Variants in PPA1 observed in about 807,000 individuals in gnomAD.
PPA1 encodes the protein inorganic pyrophosphatase.
PPA1 carries 23 observed loss-of-function variants against 41.8 expected under a neutral mutation model. That is an observed-to-expected ratio of 0.55 (90% CI 0.40 to 0.78). PPA1 has a LOEUF of 0.78. Ranked by LOEUF, PPA1 falls within the 30% of genes least tolerant of loss-of-function variation. The pLI, the probability that PPA1 is intolerant of heterozygous loss-of-function variation, is 0.00. For missense variants in PPA1, 320 were observed against 361.6 expected, an observed-to-expected ratio of 0.89 and a Z score of 0.93; for synonymous variants, 101 against 116.8, an observed-to-expected ratio of 0.86 and a Z score of 0.87.
Position 70,214,819 on chromosome 10 carries a change from T to C in PPA1, c.298-233A>G, listed in dbSNP as rs10999190. On this transcript the variant is annotated intron_variant, in intron 4 of 10. Transcript: ENST00000373232. ...AGCTTTAAAACAGATAATGATCCTA[T>C]TTAAAACAAGCAAAAGCCAACTACT... Among the ~76,000 whole-genome samples the C allele has an allele frequency of 0.046, 6,907 of 151,044 alleles. 339 individuals are homozygous for C. The highest frequency in any genetic ancestry group is 0.12 in the African/African-American group (5,067 of 41,500).
chr10:70,218,944 C>A (rs757569940), intron 2 of PPA1, 127 bp from the exon 3 acceptor site: 9 of 653,506 alleles, frequency 1.4e-5, no homozygotes, highest in East Asian at 2.8e-5. Context: ...GGATTTTCAA[C>A]AAAATGCATC....
At chr10:70,231,914 A>T (rs1840293500) in intron 1 of PPA1, among the ~76,000 whole-genome samples, 1 of 152,202 alleles carries the variant, frequency 6.6e-6, no homozygotes, top group Non-Finnish European at 1.5e-5. Flanking sequence ...ATATAGCTTG[A>T]AGATCCACCC....
rs536665927 is a variant in PPA1, at chr10:70,212,903, G to T, written c.511+560C>A. On this transcript the variant is annotated intron_variant, in intron 6 of 10. Coordinates refer to ENST00000373232, the MANE Select transcript of PPA1 (RefSeq NM_021129.4). ...CCTGAAGACACTTACTTCGCTAAGT[G>T]AAATAAACCAGACACAGAGGCCACC... 4.1e-4 allele frequency among the ~76,000 whole-genome samples: 62 copies of T among 151,086 alleles called. 1 individual carries two copies. Among genetic ancestry groups the T allele is most frequent in the African/African-American group, 1.5e-3 (61 of 41,196 alleles).
intron 2 of PPA1, among the ~76,000 whole-genome samples, chr10:70,227,863 C>T (rs1450271553): frequency 2.6e-5 from 4 of 151,784 alleles, no homozygotes; most frequent in African/African-American, 7.3e-5. Flanking sequence ...AGGCCAAGCC[C>T]GTGAGAATGT....
In PPA1 at chr10:70,220,825, T is replaced by TATATATAATTCTTATATATATA. The variant is rs1840145049; in HGVS notation, c.124-2009_124-2008insTATATATATAAGAATTATATAT. On this transcript the variant is annotated intron_variant, in intron 2 of 10. Coordinates refer to ENST00000373232, the MANE Select transcript of PPA1 (RefSeq NM_021129.4). Reference sequence around the variant, plus strand: ...ATATATATAATTTTTATATATATTATATATATAATTTTTATATATATTATA... The same window carrying TATATATAATTCTTATATATATA: ...ATATATATAATTTTTATATATATTATATATATAATTCTTATATATATAATATATAATTTTTATATATATTATA... Among the ~76,000 whole-genome samples the TATATATAATTCTTATATATATA allele has an allele frequency of 7.6e-5, 4 of 52,612 alleles. 1 individual carries two copies. Among genetic ancestry groups the TATATATAATTCTTATATATATA allele is most frequent in the Non-Finnish European group, 6.4e-5 (2 of 31,490 alleles). The allele number at this position is 52,612 out of a possible 152,430, so 34.5% of individuals were successfully genotyped here.
intron 6 of PPA1, among the ~76,000 whole-genome samples, chr10:70,212,095 C>T (rs1164330079): frequency 6.6e-6 from 1 of 152,234 alleles, no homozygotes; most frequent in African/African-American, 2.4e-5. Flanking sequence ...CTTACCCACA[C>T]TGTACTCTTT....
At chr10:70,220,039 T>A (rs1032537742) in intron 2 of PPA1, among the ~76,000 whole-genome samples, 5 of 151,482 alleles carry the variant, frequency 3.3e-5, no homozygotes, top group Non-Finnish European at 5.9e-5. Flanking sequence ...GTGATTCTAC[T>A]GTCTCAGCCT....
At position 70,213,587 on chromosome 10, in the gene PPA1, T is replaced by A. The variant is rs1434990965; in HGVS notation, c.387A>T (p.Val129=). The change falls in exon 6 of 11, where the codon GTA becomes GTT. Residue 129 remains valine (V), a splice_region_variant and synonymous_variant. Transcript: ENST00000373232. ...PIDVCEIGSK[V]CARGEIIGVK... The stretch of plus-strand genomic sequence containing the variant: ...CGCCAATTATTTCACCTCTTGCACA[T>A]ACCTGAGAGTCAATAGCCAAAGTCA... The A allele has an allele frequency of 6.2e-7, 1 of 1,613,494 alleles. No individual in the cohort carries two copies. The highest frequency in any genetic ancestry group is 2.2e-5 in the East Asian group (1 of 44,864).
chr10:70,226,824 A>T (rs761278265), intron 2 of PPA1, among the ~76,000 whole-genome samples: 1 of 152,214 alleles, frequency 6.6e-6, no homozygotes, highest in Non-Finnish European at 1.5e-5. Context: ...TGAAGCATCA[A>T]TCTATTTGAT....
rs755047561 is a variant in PPA1, at chr10:70,209,199, A to G, written c.725+6T>C. 2 of 1,572,020 alleles carry G rather than the reference A, an allele frequency of 1.3e-6. No individual in the cohort carries two copies. The highest frequency in any genetic ancestry group is 1.1e-5 in the South Asian group (1 of 90,130). On this transcript the variant is annotated splice_donor_region_variant and intron_variant, in intron 8 of 10. Transcript: ENST00000373232. ...TGTGTTAAACATGCAAAGTGTTTAC[A>G]CTTACCAACTGATTCCTTTTCCATT...
intron 8 of PPA1, 104 bp from the exon 9 acceptor site, chr10:70,206,437 A>C: frequency 3.7e-6 from 3 of 803,516 alleles, no homozygotes; most frequent in Non-Finnish European, 6.3e-6. Flanking sequence ...ATTCAAGTTT[A>C]GTTTAGTCGA....
intron 2 of PPA1, among the ~76,000 whole-genome samples, chr10:70,229,227 G>A (rs1840262272): frequency 6.6e-6 from 1 of 152,104 alleles, no homozygotes; most frequent in Admixed American, 6.6e-5. Flanking sequence ...AATATAAAAA[G>A]ACAAAAATGA....
At position 70,214,686 on chromosome 10, in the gene PPA1, T is replaced by C; in HGVS notation, c.298-100A>G. On this transcript the variant is annotated intron_variant, in intron 4 of 10. Coordinates refer to ENST00000373232, the MANE Select transcript of PPA1 (RefSeq NM_021129.4). ...ATCCTATGACTCTTCAGCTACTTTT[T>C]TCTCATTGTTTTAGTTCTTTATTCG... 6.6e-6 allele frequency: 6 copies of C among 909,226 alleles called. No homozygotes were observed. The South Asian group carries it at 9.2e-5, about 14-fold the overall frequency. 56.3% of individuals were successfully genotyped at this position (909,226 alleles called of 1,614,324 possible).
At chr10:70,223,620 C>G (rs1416920425) in intron 2 of PPA1, among the ~76,000 whole-genome samples, 1 of 152,064 alleles carries the variant, frequency 6.6e-6, no homozygotes, top group African/African-American at 2.4e-5. Flanking sequence ...AGAGTTGCTA[C>G]TAGGTGAACA....
At chr10:70,204,756 A>G in intron 10 of PPA1, 117 bp downstream of exon 10, 1 of 794,320 alleles carries the variant, frequency 1.3e-6, no homozygotes, top group Non-Finnish European at 1.9e-6. Flanking sequence ...ATATCAAAAC[A>G]TCACACTGTA....
chr10:70,225,289 C>T (rs1053527238), intron 2 of PPA1, among the ~76,000 whole-genome samples: 1 of 152,124 alleles, frequency 6.6e-6, no homozygotes, highest in African/African-American at 2.4e-5. Context: ...ATGATCTCAG[C>T]TCACTGCAAC....
chr10:70,218,599 G>A (rs1840103416), intron 3 of PPA1, 165 bp downstream of exon 3: 1 of 590,872 alleles, frequency 1.7e-6, no homozygotes, highest in South Asian at 2.2e-5. Flanking sequence ...TTTAGCTGGA[G>A]CCCAAAGGGA....
At chr10:70,216,142 T>C (rs1439977526) in intron 4 of PPA1, among the ~76,000 whole-genome samples, 1 of 152,182 alleles carries the variant, frequency 6.6e-6, no homozygotes, top group Non-Finnish European at 1.5e-5. Context: ...AGAGTAAGTA[T>C]TTCAGCAATG....
chr10:70,217,836 G>A lies in PPA1; in HGVS notation c.273C>T (p.Ile91=). The A allele has an allele frequency of 3.8e-6, 6 of 1,598,158 alleles. No individual in the cohort carries two copies. In the South Asian group the frequency reaches 5.7e-5, roughly 15 times the overall value. Reference sequence around the variant, plus strand: ...CCTGAGGGATGGCACCATAGTTCCAGATATATCCTTTATACGGGAACAAAT... The same window carrying A: ...CCTGAGGGATGGCACCATAGTTCCAAATATATCCTTTATACGGGAACAAAT... ...VANLFPYKGY[I]WNYGAIPQTW... The change falls in exon 4 of 11, where the codon ATC becomes ATT. Residue 91 remains isoleucine (I), a synonymous_variant. Coordinates refer to ENST00000373232, the MANE Select transcript of PPA1 (RefSeq NM_021129.4).
Sources: allele counts gnomAD v4.1 joint callset (sites outside exome capture counted in the v4.1 genomes callset), GRCh38; gene constraint gnomAD v4.1.1; transcripts MANE v1.5; gene names NCBI Gene and HGNC (gene_info 2026-07-23, HGNC 2026-07-21).